The following LRRC69 variants were observed in gnomAD, a reference collection of about 807,000 sequenced individuals.
LRRC69 encodes the protein leucine rich repeat containing 69, also known as leucine-rich repeat-containing protein 69.
Under a neutral mutation model 37.8 loss-of-function variants are expected in LRRC69, and 42 were observed. The ratio of observed to expected loss-of-function variants is 1.11; its 90% CI spans 0.87 to 1.44. The LOEUF (loss-of-function observed/expected upper bound fraction) is 1.44. Ranked by LOEUF, LRRC69 falls within the 40% of genes most tolerant of loss-of-function variation. LRRC69 has a pLI of 0.00. For missense variants in LRRC69, 357 were observed against 401.9 expected (o/e 0.89, Z 0.96); for synonymous variants, 141 against 143.1 (o/e 0.99, Z 0.11).
At chr8:91,148,693 C>T (rs1472269698) in intron 5 of LRRC69, among the ~76,000 whole-genome samples, 1 of 151,914 alleles carries the variant, frequency 6.6e-6, no homozygotes. Context: ...GTTTACAGTC[C>T]CACCAACAGT....
intron 7 of LRRC69, among the ~76,000 whole-genome samples, chr8:91,214,560 G>C (rs1810003553): frequency 6.6e-6 from 1 of 152,000 alleles, no homozygotes; most frequent in African/African-American, 2.4e-5. Context: ...TTCTAATCTT[G>C]TCTCTACCTT....
intron 7 of LRRC69, among the ~76,000 whole-genome samples, chr8:91,212,948 G>A (rs114042879): frequency 1.2e-3 from 188 of 152,148 alleles, no homozygotes; most frequent in African/African-American, 4.2e-3. Context: ...AGAACTCCTC[G>A]AATACTCTTA....
intron 5 of LRRC69, among the ~76,000 whole-genome samples, chr8:91,162,534 G>A (rs1251099969): frequency 6.6e-6 from 1 of 150,660 alleles, no homozygotes; most frequent in African/African-American, 2.4e-5. Flanking sequence ...TATATTTTTT[G>A]ACTTGAAGTC....
chr8:91,197,244 A>C (rs545011209), intron 6 of LRRC69, among the ~76,000 whole-genome samples: 11 of 152,286 alleles, frequency 7.2e-5, no homozygotes, highest in Non-Finnish European at 1.3e-4. Context: ...GCTCTCTTCA[A>C]AGCTGTCAGA....
At chr8:91,160,710 G>A (rs184342499) in intron 5 of LRRC69, among the ~76,000 whole-genome samples, 106 of 151,308 alleles carry the variant, frequency 7.0e-4, no homozygotes, top group African/African-American at 2.4e-3. Context: ...TGTACAGCCT[G>A]TGGAACCATG....
chr8:91,107,326 C>T (rs1212652962), intron 1 of LRRC69, among the ~76,000 whole-genome samples: 12 of 151,308 alleles, frequency 7.9e-5, no homozygotes, highest in Non-Finnish European at 1.0e-4. Context: ...TTAGTAGAGA[C>T]GGGGTTTCGC....
At chr8:91,211,631 T>A (rs1809926263) in intron 7 of LRRC69, among the ~76,000 whole-genome samples, 1 of 148,788 alleles carries the variant, frequency 6.7e-6, no homozygotes, top group African/African-American at 2.4e-5. Context: ...TTTTTTATTT[T>A]TTTTGCTTGG....
chr8:91,130,376 A>T (rs919754203), intron 3 of LRRC69: 3 of 151,938 alleles, frequency 2.0e-5, no homozygotes, highest in African/African-American at 7.3e-5. Flanking sequence ...CCAGGTTCAA[A>T]TGATTCTCCT....
chr8:91,191,052 C>G (rs78169705), intron 6 of LRRC69, among the ~76,000 whole-genome samples: 4,586 of 145,456 alleles, frequency 0.032, 248 homozygotes, highest in East Asian at 0.23. Flanking sequence ...CCCCCCCCCC[C>G]CCAAGTCAAA....
At chr8:91,196,616 CT>C (rs1809606146) in intron 6 of LRRC69, among the ~76,000 whole-genome samples, 1 of 152,176 alleles carries the variant, frequency 6.6e-6, no homozygotes, top group African/African-American at 2.4e-5. Flanking sequence ...CGCTGATACC[CT>C]TTCTTCCAGT....
chr8:91,182,302 T>C (rs1809338724), intron 5 of LRRC69, among the ~76,000 whole-genome samples: 1 of 152,136 alleles, frequency 6.6e-6, no homozygotes, highest in Non-Finnish European at 1.5e-5. Flanking sequence ...ATCAGGACAA[T>C]TTTGTCATTA....
intron 2 of LRRC69, 64 bp downstream of exon 2, chr8:91,124,683 G>C: frequency 1.5e-6 from 2 of 1,356,214 alleles, no homozygotes; most frequent in Non-Finnish European, 2.0e-6. Flanking sequence ...TTAATAATAT[G>C]AGACTGAAAT....
At chr8:91,160,914 T>G (rs1808929059) in intron 5 of LRRC69, among the ~76,000 whole-genome samples, 1 of 151,328 alleles carries the variant, frequency 6.6e-6, no homozygotes, top group South Asian at 2.1e-4. Context: ...ATACTCACTA[T>G]GATTTTACTG....
intron 5 of LRRC69, among the ~76,000 whole-genome samples, chr8:91,173,134 G>A (rs966806389): frequency 1.3e-5 from 2 of 151,990 alleles, no homozygotes; most frequent in Admixed American, 6.6e-5. Context: ...TGTAGGGGAA[G>A]AGGGTGAGGG....
At position 91,124,536 on chromosome 8, in the gene LRRC69, CGGAAGAGATGAAATAT is replaced by C. The variant is rs1813686423; in HGVS notation, c.228_243del (p.Glu77LeufsTer4). On this transcript the variant is annotated frameshift_variant, in exon 2 of 8. Transcript: ENST00000448384. LOFTEE classifies it high-confidence loss of function. ...GGAAACAACCTTTTAGAAGAAGTTC[CGGAAGAGATGAAATAT>C]CTTACATCTCTGAAGAATCTCCATT... 4.5e-6 allele frequency: 7 copies of C among 1,541,170 alleles called. No homozygotes were observed. The highest frequency in any genetic ancestry group is 6.1e-6 in the Non-Finnish European group (7 of 1,141,858).
intron 3 of LRRC69, among the ~76,000 whole-genome samples, chr8:91,131,952 C>T (rs984796183): frequency 5.9e-5 from 9 of 151,766 alleles, no homozygotes; most frequent in Non-Finnish European, 1.2e-4. Flanking sequence ...TTGGCTTCCT[C>T]TCTCTTCTCT....
intron 5 of LRRC69, among the ~76,000 whole-genome samples, chr8:91,148,545 A>G (rs1397915797): frequency 5.3e-5 from 8 of 151,860 alleles, no homozygotes; most frequent in African/African-American, 1.7e-4. Flanking sequence ...ATAAACATAC[A>G]TGTGCATGTG....
At chr8:91,118,469 C>T in intron 1 of LRRC69, 1 of 314,542 alleles carries the variant, frequency 3.2e-6, no homozygotes, top group African/African-American at 2.3e-5. Flanking sequence ...GCAGAGGTTG[C>T]AGTGAGCCGA....
intron 5 of LRRC69, among the ~76,000 whole-genome samples, chr8:91,167,648 T>C (rs1047096731): frequency 2.6e-5 from 4 of 151,992 alleles, no homozygotes; most frequent in African/African-American, 9.7e-5. Flanking sequence ...CCCTCGTTTG[T>C]AGCATCTGCT....
Sources: allele counts gnomAD v4.1 joint callset (sites outside exome capture counted in the v4.1 genomes callset), GRCh38; gene constraint gnomAD v4.1.1; transcripts MANE v1.5; gene names NCBI Gene and HGNC (gene_info 2026-07-23, HGNC 2026-07-21).